Variants in CWC27 observed in about 807,000 individuals in gnomAD.
The protein encoded by CWC27 is spliceosome-associated protein CWC27 homolog.
In CWC27, 47 loss-of-function variants were observed where a neutral mutation model predicts 63.6. The observed-to-expected ratio is 0.74, with a 90% confidence interval of 0.58 to 0.94. The LOEUF is 0.94. CWC27 is among the 40% of genes least tolerant of loss of function. The pLI, the probability that CWC27 is intolerant of heterozygous loss-of-function variation, is 0.00. For missense variants in CWC27, 495 were observed against 554.3 expected (o/e 0.89, Z 1.07); for synonymous variants, 175 against 179.8 (o/e 0.97, Z 0.22).
intron 11 of CWC27, among the ~76,000 whole-genome samples, chr5:64,951,869 CAT>C (rs1369464595): frequency 6.6e-6 from 1 of 151,944 alleles, no homozygotes; most frequent in African/African-American, 2.4e-5. Flanking sequence ...GTCTATATCA[CAT>C]CTTATTAATT....
intron 11 of CWC27, among the ~76,000 whole-genome samples, chr5:64,944,067 C>T (rs914695457): frequency 3.9e-5 from 6 of 152,074 alleles, no homozygotes; most frequent in African/African-American, 1.4e-4. Flanking sequence ...CCATCACCTA[C>T]TTGCGGACAT....
rs138458951 is a variant in CWC27 at position 64,965,721 on chromosome 5, T to G, written c.1043-5982T>G. On this transcript the variant is annotated intron_variant, in intron 11 of 13. Coordinates refer to ENST00000381070, the MANE Select transcript of CWC27 (RefSeq NM_005869.4). ...TTTACTTCAGTTAGAGAATATTAAG[T>G]CTTTTCTTTGTCATTTTAAATGTAG... 1.5e-3 allele frequency among the ~76,000 whole-genome samples: 224 copies of G among 152,282 alleles called. 1 individual carries two copies. The highest frequency in any genetic ancestry group is 5.2e-3 in the African/African-American group (218 of 41,572).
intron 12 of CWC27, among the ~76,000 whole-genome samples, 169 bp downstream of exon 12, chr5:64,971,981 A>G (rs558583942): frequency 2.0e-5 from 3 of 152,346 alleles, no homozygotes; most frequent in South Asian, 4.1e-4. Context: ...TAAAGATTCA[A>G]ACTCTGGAGT....
At chr5:64,811,028 A>T (rs1262880827) in intron 10 of CWC27, among the ~76,000 whole-genome samples, 1 of 152,054 alleles carries the variant, frequency 6.6e-6, no homozygotes, top group East Asian at 1.9e-4. Context: ...GTATCTCTCA[A>T]CCTTGTTTGT....
intron 9 of CWC27, 147 bp from the exon 10 acceptor site, chr5:64,804,082 G>A (rs1198490889): frequency 5.8e-6 from 4 of 691,946 alleles, no homozygotes; most frequent in Admixed American, 6.9e-5. Context: ...GATTCTTCAA[G>A]GGCTTATAAT....
intron 11 of CWC27, among the ~76,000 whole-genome samples, chr5:64,936,848 A>ATT (rs1748364380): frequency 6.6e-6 from 1 of 152,080 alleles, no homozygotes; most frequent in Admixed American, 6.6e-5. Flanking sequence ...GTGTCCAGGA[A>ATT]TTTATCTATT....
intron 10 of CWC27, among the ~76,000 whole-genome samples, chr5:64,875,328 A>G (rs1037521029): frequency 3.9e-5 from 6 of 152,168 alleles, no homozygotes; most frequent in Non-Finnish European, 7.4e-5. Flanking sequence ...CTAAATTACA[A>G]TATATTTAAA....
chr5:64,882,389 T>C (rs1746960184), intron 10 of CWC27, among the ~76,000 whole-genome samples: 1 of 152,214 alleles, frequency 6.6e-6, no homozygotes, highest in Non-Finnish European at 1.5e-5. Flanking sequence ...CAGCCTGCTG[T>C]TTCTCTAGAG....
intron 11 of CWC27, among the ~76,000 whole-genome samples, chr5:64,893,844 C>G (rs1747301508): frequency 6.6e-6 from 1 of 152,014 alleles, no homozygotes; most frequent in Admixed American, 6.5e-5. Context: ...TCATTAGAAA[C>G]TCTGATCTTG....
chr5:64,868,720 C>G (rs1195527394), intron 10 of CWC27, among the ~76,000 whole-genome samples: 1 of 152,026 alleles, frequency 6.6e-6, no homozygotes, highest in East Asian at 1.9e-4. Flanking sequence ...AAGTGGTCTT[C>G]AAGTTCATAT....
chr5:64,845,771 A>C (rs953334066), intron 10 of CWC27, among the ~76,000 whole-genome samples: 1 of 152,198 alleles, frequency 6.6e-6, no homozygotes, highest in Non-Finnish European at 1.5e-5. Flanking sequence ...TTTGCATACT[A>C]GGATTTGCAA....
chr5:64,904,202 T>A (rs1747571357), intron 11 of CWC27, among the ~76,000 whole-genome samples: 1 of 152,188 alleles, frequency 6.6e-6, no homozygotes, highest in South Asian at 2.1e-4. Context: ...ATATTTTAGG[T>A]TTTTCTTTAG....
At chr5:64,915,029 T>A (rs1290731793) in intron 11 of CWC27, among the ~76,000 whole-genome samples, 1 of 152,206 alleles carries the variant, frequency 6.6e-6, no homozygotes, top group Non-Finnish European at 1.5e-5. Context: ...TTTTATATAA[T>A]ATGCACAAGA....
At chr5:64,993,154 A>AT (rs1749568823) in intron 13 of CWC27, among the ~76,000 whole-genome samples, 1 of 152,188 alleles carries the variant, frequency 6.6e-6, no homozygotes, top group Non-Finnish European at 1.5e-5. Context: ...AGCACTCAGT[A>AT]TAGTGCCTGA....
chr5:64,986,694 G>A (rs1328397651), intron 13 of CWC27, among the ~76,000 whole-genome samples: 5 of 145,726 alleles, frequency 3.4e-5, no homozygotes, highest in African/African-American at 8.4e-5. Flanking sequence ...AGCCCCCCCC[G>A]GACTGGGCCC....
At chr5:64,841,646 T>C (rs1377605045) in intron 10 of CWC27, among the ~76,000 whole-genome samples, 1 of 152,174 alleles carries the variant, frequency 6.6e-6, no homozygotes, top group Non-Finnish European at 1.5e-5. Flanking sequence ...CCTCTGTATT[T>C]GCCAAGTTTA....
intron 11 of CWC27, among the ~76,000 whole-genome samples, chr5:64,909,889 G>A (rs892415537): frequency 1.3e-5 from 2 of 152,136 alleles, no homozygotes; most frequent in Non-Finnish European, 2.9e-5. Context: ...CTTTAGCTCA[G>A]AGAAGTTTGT....
chr5:64,947,514 T>C (rs1250495004), intron 11 of CWC27, among the ~76,000 whole-genome samples: 6 of 152,120 alleles, frequency 3.9e-5, no homozygotes, highest in Non-Finnish European at 1.5e-5. Flanking sequence ...CTGTATAAGA[T>C]CTTTATGTAA....
In CWC27 at chr5:64,949,879, C is replaced by G. The variant is rs150457852; in HGVS notation, c.1043-21824C>G. ...GACCAGTGTTTCTCAAACTTTTCTG[C>G]ACATTAGAATCACCTAAAAATTCCA... On this transcript the variant is annotated intron_variant, in intron 11 of 13. Coordinates refer to ENST00000381070, the MANE Select transcript of CWC27 (RefSeq NM_005869.4). Among the ~76,000 whole-genome samples, 214 of 152,078 alleles carry G rather than the reference C, an allele frequency of 1.4e-3. 1 individual carries two copies. The highest frequency in any genetic ancestry group is 2.6e-3 in the Non-Finnish European group (179 of 67,920).
Sources: allele counts gnomAD v4.1 joint callset (sites outside exome capture counted in the v4.1 genomes callset), GRCh38; gene constraint gnomAD v4.1.1; transcripts MANE v1.5; gene names NCBI Gene and HGNC (gene_info 2026-07-23, HGNC 2026-07-21).